PAPOLG: variants seen among roughly 807,000 people sequenced by gnomAD.
PAPOLG encodes the protein poly(A) polymerase gamma.
PAPOLG carries 40 observed loss-of-function variants against 99.0 expected under a neutral mutation model. The observed-to-expected ratio is 0.40, with a 90% confidence interval of 0.31 to 0.53. PAPOLG has a LOEUF of 0.53. PAPOLG is among the 20% of genes least tolerant of loss of function. The pLI is 0.41. For missense variants in PAPOLG, 675 were observed against 884.1 expected, an observed-to-expected ratio of 0.76 and a Z score of 3.00; for synonymous variants, 310 against 299.3, an observed-to-expected ratio of 1.04 and a Z score of -0.37.
At chr2:60,761,483 T>A (rs1170537141) in intron 2 of PAPOLG, among the ~76,000 whole-genome samples, 1 of 152,190 alleles carries the variant, frequency 6.6e-6, no homozygotes, top group Non-Finnish European at 1.5e-5. Flanking sequence ...ATTTTATGAT[T>A]TTTATTAGGC....
intron 8 of PAPOLG, among the ~76,000 whole-genome samples, chr2:60,775,984 C>T (rs186354186): frequency 8.5e-5 from 13 of 152,230 alleles, no homozygotes; most frequent in Admixed American, 3.9e-4. Flanking sequence ...AGGCTGGTCT[C>T]CAACTCCTGA....
rs67779326 is a variant in PAPOLG, at chr2:60,782,678, T to TTA, written c.1028-8_1028-7insTA. The TTA allele has an allele frequency of 0.038, 47,401 of 1,252,368 alleles. 879 individuals are homozygous for TTA. The highest frequency in any genetic ancestry group is 0.093 in the African/African-American group (4,974 of 53,408). 77.6% of individuals were successfully genotyped at this position (1,252,368 alleles called of 1,614,324 possible). On this transcript the variant is annotated splice_polypyrimidine_tract_variant and splice_region_variant and intron_variant, in intron 11 of 21. Coordinates refer to ENST00000238714, the MANE Select transcript of PAPOLG (RefSeq NM_022894.4). ...CTTTTTTTTTTTTTTTTTTTTTTTT[T>TTA]AATTTAGGTCTTGCAGTCACAGATG...
Position 60,794,277 on chromosome 2 carries a change from TTC to T in PAPOLG, c.1989+88_1989+89del, listed in dbSNP as rs201823883. 9.7e-5 allele frequency: 129 copies of T among 1,329,106 alleles called. No individual in the cohort carries two copies. In the East Asian group the frequency reaches 2.8e-3, roughly 29 times the overall value. The allele number at this position is 1,329,106 out of a possible 1,614,324, so 82.3% of individuals were successfully genotyped here. On this transcript the variant is annotated intron_variant, in intron 19 of 21. Coordinates refer to ENST00000238714, the MANE Select transcript of PAPOLG (RefSeq NM_022894.4). ...AAACAATTTTCCATAGCTGTTGGTG[TTC>T]TGTTAGGAGTTGGCTGAAAAGAATA...
chr2:60,789,398 G>GT (rs1047800320), intron 15 of PAPOLG, among the ~76,000 whole-genome samples: 1 of 151,788 alleles, frequency 6.6e-6, no homozygotes, highest in Non-Finnish European at 1.5e-5. Flanking sequence ...ATTTTTATGG[G>GT]TTTTTTGTTT....
At position 60,797,069 on chromosome 2, in the gene PAPOLG, C is replaced by T; in HGVS notation, c.2120C>T (p.Pro707Leu). ...TIDTSRKKRL[P>L]SKELPDSSSP... Reference sequence around the variant, plus strand: ...CCTCTTTCTTTCTAATAGAGACTACCCAGTAAAGAACTACCAGATTCATCA... The same window carrying T: ...CCTCTTTCTTTCTAATAGAGACTACTCAGTAAAGAACTACCAGATTCATCA... Residue 707 changes from proline (P) to leucine (L), a missense_variant, in exon 22 of 22, where the codon CCC becomes CTC. This residue lies in a region of PAPOLG where 413 missense variants were observed against 460.5 expected (regional missense o/e 0.90). Transcript: ENST00000238714. 6.2e-7 allele frequency: 1 copy of T among 1,611,740 alleles called. No individual in the cohort carries two copies. Among genetic ancestry groups the T allele is most frequent in the African/African-American group, 1.3e-5 (1 of 74,922 alleles).
At chr2:60,789,790 A>G (rs1335181665) in intron 15 of PAPOLG, among the ~76,000 whole-genome samples, 1 of 152,202 alleles carries the variant, frequency 6.6e-6, no homozygotes, top group Non-Finnish European at 1.5e-5. Context: ...CATATTTATC[A>G]TGAAAATGCA....
chr2:60,760,033 T>C, intron 1 of PAPOLG, 101 bp from the exon 2 acceptor site: 2 of 1,229,846 alleles, frequency 1.6e-6, no homozygotes, highest in Non-Finnish European at 2.3e-6. Context: ...AAGTAAACTT[T>C]TAAGGTAGCT....
At chr2:60,766,780 T>G (rs2103769048) in intron 3 of PAPOLG, among the ~76,000 whole-genome samples, 1 of 152,078 alleles carries the variant, frequency 6.6e-6, no homozygotes, top group Middle Eastern at 3.4e-3. Context: ...GGAGGTTGGA[T>G]TCTGTAACCA....
chr2:60,778,676 A>G (rs1008551401), intron 8 of PAPOLG, among the ~76,000 whole-genome samples: 4 of 152,186 alleles, frequency 2.6e-5, no homozygotes, highest in Non-Finnish European at 5.9e-5. Flanking sequence ...TGTGGCTACC[A>G]TATTGGACAG....
chr2:60,786,267 G>A (rs967888109), intron 13 of PAPOLG, among the ~76,000 whole-genome samples: 1 of 152,082 alleles, frequency 6.6e-6, no homozygotes, highest in Non-Finnish European at 1.5e-5. Flanking sequence ...ACCTCACTCT[G>A]TCACCCAGGC....
At chr2:60,782,337 C>T (rs773416680) in intron 11 of PAPOLG, among the ~76,000 whole-genome samples, 4 of 151,996 alleles carry the variant, frequency 2.6e-5, no homozygotes, top group Non-Finnish European at 4.4e-5. Flanking sequence ...GAGGCCGAGG[C>T]GAGCAGATGA....
chr2:60,774,001 A>C (rs1456923929), intron 7 of PAPOLG, among the ~76,000 whole-genome samples: 1 of 152,216 alleles, frequency 6.6e-6, no homozygotes, highest in Non-Finnish European at 1.5e-5. Flanking sequence ...ACAGTTTCAC[A>C]TGTTCTTTCC....
At chr2:60,772,747 CAAAA>C (rs1558689402) in intron 7 of PAPOLG, among the ~76,000 whole-genome samples, 1 of 151,780 alleles carries the variant, frequency 6.6e-6, no homozygotes, top group Non-Finnish European at 1.5e-5. Context: ...GTCTCCGTCT[CAAAA>C]AAGAAAGAAA....
At chr2:60,767,857 A>G (rs1573224713) in intron 3 of PAPOLG, among the ~76,000 whole-genome samples, 1 of 152,230 alleles carries the variant, frequency 6.6e-6, no homozygotes, top group East Asian at 1.9e-4. Flanking sequence ...TGATGAAGCG[A>G]AAGACAGGCA....
At chr2:60,774,245 C>T (rs1338290402) in intron 7 of PAPOLG, among the ~76,000 whole-genome samples, 2 of 151,878 alleles carry the variant, frequency 1.3e-5, no homozygotes, top group Non-Finnish European at 2.9e-5. Context: ...GTTTTATCCA[C>T]TGTTTCTTTT....
At chr2:60,796,848 T>G (rs1671721871) in intron 21 of PAPOLG, among the ~76,000 whole-genome samples, 1 of 152,134 alleles carries the variant, frequency 6.6e-6, no homozygotes, top group African/African-American at 2.4e-5. Flanking sequence ...CTTATCCCTC[T>G]GCTTTTCACC....
rs114162248 is a variant in PAPOLG, at chr2:60,793,890, G to T, written c.1769-81G>T. On this transcript the variant is annotated intron_variant, in intron 18 of 21. Coordinates refer to ENST00000238714, the MANE Select transcript of PAPOLG (RefSeq NM_022894.4). ...CAAGCCACTGCACTGCAGCCTGGGT[G>T]ATGGGAATGAGAGACCCTGTCTCAA... 13,748 of 1,468,150 alleles carry T rather than the reference G, an allele frequency of 9.4e-3. 316 individuals are homozygous for T. The Admixed American group carries it at 0.097, about 10-fold the overall frequency. The allele number at this position is 1,468,150 out of a possible 1,614,324, so 90.9% of individuals were successfully genotyped here.
intron 14 of PAPOLG, among the ~76,000 whole-genome samples, 197 bp downstream of exon 14, chr2:60,787,263 C>A (rs1015952655): frequency 1.3e-5 from 2 of 152,026 alleles, no homozygotes; most frequent in African/African-American, 4.8e-5. Context: ...AGCAAAACAC[C>A]ATCACAATAT....
chr2:60,782,678 T>TTTTTTTTTTTTA lies in PAPOLG; in HGVS notation c.1028-8_1028-7insTTTTTTTTTTTA, dbSNP rs67779326. ...CTTTTTTTTTTTTTTTTTTTTTTTT[T>TTTTTTTTTTTTA]AATTTAGGTCTTGCAGTCACAGATG... On this transcript the variant is annotated splice_polypyrimidine_tract_variant and splice_region_variant and intron_variant, in intron 11 of 21. Transcript: ENST00000238714. The TTTTTTTTTTTTA allele has an allele frequency of 1.4e-6, 2 of 1,386,354 alleles. No homozygotes were observed. The highest frequency in any genetic ancestry group is 1.8e-5 in the African/African-American group (1 of 56,544). The allele number at this position is 1,386,354 out of a possible 1,614,324, so 85.9% of individuals were successfully genotyped here.
Sources: allele counts gnomAD v4.1 joint callset (sites outside exome capture counted in the v4.1 genomes callset), GRCh38; gene constraint gnomAD v4.1.1; regional missense constraint gnomAD v4.1.1; transcripts MANE v1.5; gene names NCBI Gene and HGNC (gene_info 2026-07-23, HGNC 2026-07-21).